The following SLC4A10 variants were observed in gnomAD, a reference collection of about 807,000 sequenced individuals.
The protein encoded by SLC4A10 is solute carrier family 4 member 10.
In SLC4A10, 42 loss-of-function variants were observed where a neutral mutation model predicts 137.7. The ratio of observed to expected loss-of-function variants is 0.30; its 90% CI spans 0.24 to 0.39. SLC4A10 has a LOEUF of 0.39. Among genes scored for constraint, SLC4A10 ranks in the 10% least tolerant of loss-of-function variants. The pLI, the probability that SLC4A10 is intolerant of heterozygous loss-of-function variation, is 1.00. For missense variants in SLC4A10, 925 were observed against 1,355.0 expected (o/e 0.68, Z 4.98); for synonymous variants, 474 against 464.1 (o/e 1.02, Z -0.27).
At chr2:161,706,026 G>T (rs2043624981) in intron 1 of SLC4A10, among the ~76,000 whole-genome samples, 2 of 151,668 alleles carry the variant, frequency 1.3e-5, no homozygotes, top group Non-Finnish European at 1.5e-5. Flanking sequence ...AAAAATGGGA[G>T]ATCATAGTTT....
At chr2:161,933,333 T>C (rs1464902369) in intron 15 of SLC4A10, among the ~76,000 whole-genome samples, 2 of 151,020 alleles carry the variant, frequency 1.3e-5, no homozygotes, top group Admixed American at 6.6e-5. Flanking sequence ...TTTTCTCTTT[T>C]TTCTTTCTAT....
chr2:161,904,182 T>C lies in SLC4A10; in HGVS notation c.1617+4T>C, dbSNP rs200549495. The C allele has an allele frequency of 1.4e-5, 22 of 1,595,254 alleles. No homozygotes were observed. The highest frequency in any genetic ancestry group is 1.8e-5 in the Non-Finnish European group (21 of 1,170,090). On this transcript the variant is annotated splice_donor_region_variant and intron_variant, in intron 13 of 26. Transcript: ENST00000446997. Reference sequence around the variant, plus strand: ...AGAAGCAACTGAAGGGCGTATAGTATGTATTATGCTTTTCTCTGAACTTTG... The same window carrying C: ...AGAAGCAACTGAAGGGCGTATAGTACGTATTATGCTTTTCTCTGAACTTTG...
intron 1 of SLC4A10, among the ~76,000 whole-genome samples, chr2:161,679,563 T>C (rs1346509224): frequency 1.3e-5 from 2 of 152,076 alleles, no homozygotes; most frequent in Admixed American, 1.3e-4. Context: ...GTTCCTCAAG[T>C]TACCTTTAGA....
intron 1 of SLC4A10, among the ~76,000 whole-genome samples, chr2:161,732,566 T>C (rs2046927863): frequency 6.6e-6 from 1 of 152,232 alleles, no homozygotes; most frequent in Non-Finnish European, 1.5e-5. Context: ...TCATATTTTA[T>C]GAGTATGTCT....
At chr2:161,841,424 A>T (rs898863692) in intron 4 of SLC4A10, among the ~76,000 whole-genome samples, 12 of 152,110 alleles carry the variant, frequency 7.9e-5, no homozygotes, top group Non-Finnish European at 1.8e-4. Flanking sequence ...CCACTGTAGG[A>T]CAGCATTATT....
intron 1 of SLC4A10, among the ~76,000 whole-genome samples, chr2:161,709,173 A>G (rs2044020973): frequency 6.6e-6 from 1 of 151,570 alleles, no homozygotes; most frequent in African/African-American, 2.4e-5. Flanking sequence ...TTTATATTTT[A>G]CTTCAAGTGA....
intron 3 of SLC4A10, among the ~76,000 whole-genome samples, chr2:161,830,937 T>A (rs567444962): frequency 6.6e-6 from 1 of 152,290 alleles, no homozygotes; most frequent in Non-Finnish European, 1.5e-5. Context: ...TATGCTTAGA[T>A]GTGGATATGT....
chr2:161,660,699 A>G (rs1171444474), intron 1 of SLC4A10, among the ~76,000 whole-genome samples: 2 of 140,080 alleles, frequency 1.4e-5, no homozygotes, highest in Non-Finnish European at 3.0e-5. Context: ...TGTCACCTAG[A>G]CTGGAGTGCA....
At chr2:161,812,074 A>T (rs907627233) in intron 3 of SLC4A10, among the ~76,000 whole-genome samples, 3 of 152,058 alleles carry the variant, frequency 2.0e-5, no homozygotes, top group Non-Finnish European at 2.9e-5. Context: ...TGGCTTCAGT[A>T]ACTATTGCAG....
At chr2:161,843,126 C>G (rs1392185655) in intron 4 of SLC4A10, among the ~76,000 whole-genome samples, 1 of 152,164 alleles carries the variant, frequency 6.6e-6, no homozygotes, top group African/African-American at 2.4e-5. Context: ...GAGTAACTCA[C>G]TTATTCTTAC....
intron 1 of SLC4A10, among the ~76,000 whole-genome samples, chr2:161,668,641 G>T: frequency 6.6e-6 from 1 of 151,772 alleles, no homozygotes; most frequent in East Asian, 1.9e-4. Context: ...TACTGGTTCA[G>T]GGAATCCATA....
At chr2:161,663,883 T>G (rs2038737885) in intron 1 of SLC4A10, among the ~76,000 whole-genome samples, 1 of 152,078 alleles carries the variant, frequency 6.6e-6, no homozygotes, top group African/African-American at 2.4e-5. Context: ...GATGTTTATG[T>G]AGAATTGGGG....
intron 2 of SLC4A10, among the ~76,000 whole-genome samples, chr2:161,771,989 A>C (rs2051674954): frequency 1.3e-5 from 2 of 151,854 alleles, no homozygotes; most frequent in Admixed American, 1.3e-4. Context: ...AATTAAATTA[A>C]TTGCTCTTGG....
intron 1 of SLC4A10, among the ~76,000 whole-genome samples, chr2:161,636,356 G>T (rs1466385352): frequency 6.6e-6 from 1 of 152,006 alleles, no homozygotes; most frequent in Admixed American, 6.6e-5. Flanking sequence ...TCTATTGAGT[G>T]TGTATATTAC....
intron 1 of SLC4A10, among the ~76,000 whole-genome samples, chr2:161,662,152 C>T (rs974997177): frequency 2.6e-5 from 4 of 152,088 alleles, no homozygotes; most frequent in Non-Finnish European, 5.9e-5. Flanking sequence ...AAGAGATCGT[C>T]TAGGCTCTTT....
intron 1 of SLC4A10, among the ~76,000 whole-genome samples, chr2:161,749,300 G>A (rs2048706938): frequency 6.6e-6 from 1 of 151,822 alleles, no homozygotes; most frequent in Admixed American, 6.6e-5. Context: ...ACTATTTTCA[G>A]TATTACATTA....
chr2:161,775,977 G>A (rs1170970136), intron 2 of SLC4A10, among the ~76,000 whole-genome samples: 1 of 151,772 alleles, frequency 6.6e-6, no homozygotes, highest in East Asian at 1.9e-4. Flanking sequence ...TACCAATCAA[G>A]GAGATACTAT....
intron 1 of SLC4A10, among the ~76,000 whole-genome samples, chr2:161,643,226 G>A (rs930035735): frequency 1.2e-4 from 19 of 152,052 alleles, no homozygotes; most frequent in Non-Finnish European, 1.5e-5. Flanking sequence ...AATGAGGAAT[G>A]TGCTGTTGTG....
At chr2:161,655,817 CTT>C (rs1222736703) in intron 1 of SLC4A10, among the ~76,000 whole-genome samples, 39 of 142,212 alleles carry the variant, frequency 2.7e-4, no homozygotes, top group Admixed American at 2.8e-4. Flanking sequence ...AAAAATTCTT[CTT>C]TTTTTTTTTT....
Sources: allele counts gnomAD v4.1 joint callset (sites outside exome capture counted in the v4.1 genomes callset), GRCh38; gene constraint gnomAD v4.1.1; transcripts MANE v1.5; gene names NCBI Gene and HGNC (gene_info 2026-07-23, HGNC 2026-07-21).